The following ADGRL3 variants were observed in gnomAD, a reference collection of about 807,000 sequenced individuals.
ADGRL3 encodes calcium-independent alpha-latrotoxin receptor 3.
Under a neutral mutation model 153.5 loss-of-function variants are expected in ADGRL3, and 62 were observed. That is an observed-to-expected ratio of 0.40 (90% confidence interval 0.33 to 0.50). ADGRL3 has a LOEUF of 0.50. ADGRL3 is among the 20% of genes least tolerant of loss of function. ADGRL3 has a pLI of 0.47. For missense variants in ADGRL3, 1,641 were observed against 1,859.4 expected, an observed-to-expected ratio of 0.88 and a Z score of 2.16; for synonymous variants, 710 against 672.5, an observed-to-expected ratio of 1.06 and a Z score of -0.86.
chr4:61,617,669 C>T (rs1451921923), intron 5 of ADGRL3, among the ~76,000 whole-genome samples: 1 of 152,228 alleles, frequency 6.6e-6, no homozygotes, highest in East Asian at 1.9e-4. Flanking sequence ...CAAACAGCAT[C>T]TGCTCCCAAA....
At chr4:61,773,510 T>C (rs2097109820) in intron 8 of ADGRL3, among the ~76,000 whole-genome samples, 2 of 152,186 alleles carry the variant, frequency 1.3e-5, no homozygotes, top group South Asian at 4.1e-4. Flanking sequence ...GCCCTCACTT[T>C]TCCGAAAAGT....
In ADGRL3 at chr4:61,744,305, C is replaced by T. The variant is rs564432433; in HGVS notation, c.1399+10751C>T. Among the ~76,000 whole-genome samples, 657 of 152,300 alleles carry T rather than the reference C, an allele frequency of 4.3e-3. 5 individuals are homozygous for T. Among genetic ancestry groups the T allele is most frequent in the Non-Finnish European group, 6.4e-3 (436 of 68,030 alleles). ...GGCAGGACACAGACAAACAAAAAGA[C>T]AGCAGTAACCTCTGCATACTTAAGT... On this transcript the variant is annotated intron_variant, in intron 8 of 26. Transcript: ENST00000683033.
In ADGRL3 at chr4:61,255,594, A is replaced by G. The variant is rs189269711; in HGVS notation, c.-240+53829A>G. 7.4e-4 allele frequency among the ~76,000 whole-genome samples: 112 copies of G among 152,332 alleles called. 1 individual carries two copies. Among genetic ancestry groups the G allele is most frequent in the African/African-American group, 2.6e-3 (107 of 41,586 alleles). On this transcript the variant is annotated intron_variant, in intron 1 of 26. Transcript: ENST00000683033. ...TATTCTTATGTTGTCATGAAAATCT[A>G]TTAAATGCATTTATATTTCACATCA...
At chr4:61,901,375 A>G (rs1022804209) in intron 11 of ADGRL3, among the ~76,000 whole-genome samples, 1 of 152,188 alleles carries the variant, frequency 6.6e-6, no homozygotes, top group Non-Finnish European at 1.5e-5. Context: ...ACAACGTTTG[A>G]CAACGAGTCA....
intron 5 of ADGRL3, among the ~76,000 whole-genome samples, chr4:61,636,451 A>G (rs2093427671): frequency 6.6e-6 from 1 of 152,292 alleles, no homozygotes; most frequent in South Asian, 2.1e-4. Flanking sequence ...ATAATGGAAT[A>G]ACATATTTGA....
At chr4:61,311,514 T>C (rs1001794118) in intron 1 of ADGRL3, among the ~76,000 whole-genome samples, 3 of 152,222 alleles carry the variant, frequency 2.0e-5, no homozygotes, top group African/African-American at 7.2e-5. Flanking sequence ...GTCTCTGCCA[T>C]AGTTAGTGCT....
At chr4:61,347,322 G>A (rs918047622) in intron 1 of ADGRL3, among the ~76,000 whole-genome samples, 6 of 150,166 alleles carry the variant, frequency 4.0e-5, no homozygotes, top group African/African-American at 9.8e-5. Context: ...TCCCCCCAGC[G>A]ACTAAGTTCC....
chr4:62,023,720 A>C (rs746503277), intron 21 of ADGRL3, among the ~76,000 whole-genome samples: 3 of 152,168 alleles, frequency 2.0e-5, no homozygotes, highest in Non-Finnish European at 2.9e-5. Context: ...TTTTTTTAAC[A>C]ATAAAGTATT....
chr4:61,862,844 G>T (rs1417744609), intron 9 of ADGRL3, among the ~76,000 whole-genome samples: 1 of 152,106 alleles, frequency 6.6e-6, no homozygotes, highest in Non-Finnish European at 1.5e-5. Flanking sequence ...ACTACCACTA[G>T]ATCAGTGGTT....
intron 9 of ADGRL3, among the ~76,000 whole-genome samples, chr4:61,849,031 C>T (rs535118314): frequency 2.0e-5 from 3 of 152,144 alleles, no homozygotes; most frequent in Non-Finnish European, 4.4e-5. Flanking sequence ...GAAGTGTATA[C>T]ATTTTAGCAA....
chr4:61,341,925 CA>C (rs2095815796), intron 1 of ADGRL3, among the ~76,000 whole-genome samples: 1 of 151,898 alleles, frequency 6.6e-6, no homozygotes, highest in African/African-American at 2.4e-5. Context: ...TAAATATTGC[CA>C]AAATACTCTA....
chr4:61,708,971 G>A (rs778688522), intron 6 of ADGRL3, among the ~76,000 whole-genome samples: 5 of 151,756 alleles, frequency 3.3e-5, no homozygotes, highest in Non-Finnish European at 7.4e-5. Flanking sequence ...CACCATGCCC[G>A]GCTGATTTCT....
intron 21 of ADGRL3, among the ~76,000 whole-genome samples, chr4:62,000,884 A>T (rs1053958973): frequency 1.3e-5 from 2 of 151,818 alleles, no homozygotes; most frequent in African/African-American, 4.8e-5. Flanking sequence ...TGGGCTCAAG[A>T]TACCCTCCCA....
At chr4:62,037,694 A>C (rs1005163017) in intron 23 of ADGRL3, 37 bp from the exon 24 acceptor site, 1 of 1,612,562 alleles carries the variant, frequency 6.2e-7, no homozygotes, top group South Asian at 1.1e-5. Flanking sequence ...CCTGCAATGA[A>C]TTACTTGCTA....
chr4:61,430,636 AAAACTGAG>A (rs1220203915), intron 2 of ADGRL3, among the ~76,000 whole-genome samples: 1 of 152,190 alleles, frequency 6.6e-6, no homozygotes, highest in Non-Finnish European at 1.5e-5. Flanking sequence ...CACAATCAAT[AAAACTGAG>A]AAACAAATAT....
Position 61,730,608 on chromosome 4 carries a change from T to A in ADGRL3, c.584-14T>A. The A allele has an allele frequency of 1.8e-6, 1 of 544,834 alleles. No individual in the cohort carries two copies. Among genetic ancestry groups the A allele is most frequent in the Non-Finnish European group, 3.1e-6 (1 of 318,874 alleles). 33.7% of individuals were successfully genotyped at this position (544,834 alleles called of 1,614,324 possible). ...CTTTTCTCCTTTCTCTCTTTACTTC[T>A]CTCTCTCCAATAGAAGTGGAACAAA... On this transcript the variant is annotated splice_polypyrimidine_tract_variant and intron_variant, in intron 6 of 26. Transcript: ENST00000683033.
At chr4:61,432,590 C>CTT (rs796141242) in intron 2 of ADGRL3, among the ~76,000 whole-genome samples, 124 of 10,650 alleles carry the variant, frequency 0.012, 5 homozygotes, top group South Asian at 0.03. Context: ...TTCTTTCTTT[C>CTT]TTTCTTTCTT....
intron 2 of ADGRL3, among the ~76,000 whole-genome samples, chr4:61,421,388 T>A (rs375900948): frequency 8.4e-4 from 127 of 151,694 alleles, no homozygotes; most frequent in African/African-American, 2.9e-3. Flanking sequence ...TACTAACCAA[T>A]TAACACAGTT....
intron 24 of ADGRL3, among the ~76,000 whole-genome samples, chr4:62,042,997 T>A (rs1274629983): frequency 6.6e-6 from 1 of 152,086 alleles, no homozygotes; most frequent in Admixed American, 6.6e-5. Context: ...ACATACTCTT[T>A]TATGTTTTCC....
Sources: allele counts gnomAD v4.1 joint callset (sites outside exome capture counted in the v4.1 genomes callset), GRCh38; gene constraint gnomAD v4.1.1; transcripts MANE v1.5; gene names NCBI Gene and HGNC (gene_info 2026-07-23, HGNC 2026-07-21).